Variants in LHFPL3 observed in about 807,000 individuals in gnomAD.
The protein encoded by LHFPL3 is LHFPL tetraspan subfamily member 3 protein.
Under a neutral mutation model 19.3 loss-of-function variants are expected in LHFPL3, and 5 were observed. The ratio of observed to expected loss-of-function variants is 0.26; its 90% CI spans 0.14 to 0.54. LHFPL3 has a LOEUF of 0.54. LHFPL3 is among the 20% of genes least tolerant of loss of function. The pLI is 0.94. For missense variants in LHFPL3, 249 were observed against 307.4 expected (o/e 0.81, Z 1.42); for synonymous variants, 133 against 126.2 (o/e 1.05, Z -0.36).
chr7:104,901,969 A>G lies in LHFPL3; in HGVS notation c.683-4218A>G, dbSNP rs182371232. ...ACACTCACTTGCCTCACCCTATTCC[A>G]GGCCTGGCTCACTGGCTTCACACTT... On this transcript the variant is annotated intron_variant, in intron 2 of 2. Coordinates refer to ENST00000424859, the MANE Select transcript of LHFPL3 (RefSeq NM_199000.3). Among the ~76,000 whole-genome samples, 191 of 152,232 alleles carry G rather than the reference A, an allele frequency of 1.3e-3. 1 individual carries two copies. Among genetic ancestry groups the G allele is most frequent in the African/African-American group, 4.4e-3 (183 of 41,556 alleles).
intron 1 of LHFPL3, among the ~76,000 whole-genome samples, chr7:104,614,608 CT>C (rs1175493846): frequency 7.8e-6 from 1 of 128,920 alleles, no homozygotes; most frequent in African/African-American, 3.0e-5. Flanking sequence ...CTTCTCTTCT[CT>C]TCTCTTCTCT....
intron 1 of LHFPL3, among the ~76,000 whole-genome samples, chr7:104,430,430 A>ACG (rs1791964794): frequency 1.9e-4 from 2 of 10,610 alleles, no homozygotes; most frequent in Non-Finnish European, 4.3e-4. Flanking sequence ...ATATATATAT[A>ACG]TATATATATA....
At chr7:104,633,369 A>G (rs1791677350) in intron 1 of LHFPL3, among the ~76,000 whole-genome samples, 2 of 152,210 alleles carry the variant, frequency 1.3e-5, no homozygotes, top group Admixed American at 1.3e-4. Flanking sequence ...TTGTCTGACT[A>G]TTTCTACTCA....
chr7:104,818,540 A>C (rs1459712936), intron 2 of LHFPL3, among the ~76,000 whole-genome samples: 1 of 152,200 alleles, frequency 6.6e-6, no homozygotes, highest in African/African-American at 2.4e-5. Flanking sequence ...CCATTATTAC[A>C]GTTTCAGTTT....
In LHFPL3 at chr7:104,499,029, C is replaced by T. The variant is rs149297312; in HGVS notation, c.445+169805C>T. Among the ~76,000 whole-genome samples the T allele has an allele frequency of 1.4e-4, 22 of 152,242 alleles. No homozygotes were observed. The South Asian group carries it at 3.7e-3, about 26-fold the overall frequency. On this transcript the variant is annotated intron_variant, in intron 1 of 2. Transcript: ENST00000424859. ...GCATGGGTATTTCCAGGTGCAATAA[C>T]TCATTTAAACTCATTCATAAAAATG...
chr7:104,684,779 C>A (rs1792774424), intron 1 of LHFPL3, among the ~76,000 whole-genome samples: 1 of 152,212 alleles, frequency 6.6e-6, no homozygotes, highest in Non-Finnish European at 1.5e-5. Context: ...CCTGCCAGGA[C>A]CAGCCCAGGG....
intron 1 of LHFPL3, among the ~76,000 whole-genome samples, chr7:104,526,503 A>G (rs553789784): frequency 2.0e-5 from 3 of 152,360 alleles, no homozygotes; most frequent in South Asian, 2.1e-4. Context: ...TGCCTTGTCT[A>G]TGTAAGTAAA....
chr7:104,453,309 G>A (rs1419076112), intron 1 of LHFPL3, among the ~76,000 whole-genome samples: 1 of 151,446 alleles, frequency 6.6e-6, no homozygotes, highest in African/African-American at 2.4e-5. Context: ...GAGATGGCGG[G>A]AAACTACTAG....
At chr7:104,596,401 T>A (rs1790859512) in intron 1 of LHFPL3, among the ~76,000 whole-genome samples, 1 of 152,228 alleles carries the variant, frequency 6.6e-6, no homozygotes, top group Non-Finnish European at 1.5e-5. Context: ...CTTGAAATAT[T>A]TTCTTCCATT....
At chr7:104,528,383 G>C (rs889962607) in intron 1 of LHFPL3, among the ~76,000 whole-genome samples, 1 of 152,130 alleles carries the variant, frequency 6.6e-6, no homozygotes, top group Non-Finnish European at 1.5e-5. Flanking sequence ...ATTTAAATTT[G>C]GTGAGAAGTA....
intron 1 of LHFPL3, among the ~76,000 whole-genome samples, chr7:104,547,796 C>G (rs12216698): frequency 0.96 from 145,857 of 151,846 alleles, 70,163 homozygotes; most frequent in East Asian, 1. Context: ...AGGGACCAGA[C>G]AAGCTTTCAG....
chr7:104,868,126 T>C (rs1413287639), intron 2 of LHFPL3, among the ~76,000 whole-genome samples: 2 of 152,188 alleles, frequency 1.3e-5, no homozygotes, highest in Admixed American at 6.5e-5. Context: ...AATATCATAC[T>C]GAATGGGCAA....
chr7:104,566,048 C>T (rs1028282823), intron 1 of LHFPL3, among the ~76,000 whole-genome samples: 3 of 151,942 alleles, frequency 2.0e-5, no homozygotes, highest in Admixed American at 1.3e-4. Flanking sequence ...TTTTGTGACT[C>T]GGAACTCACC....
rs1195232782 is a variant in LHFPL3 at position 104,576,316 on chromosome 7, G to A, written c.446-160359G>A. 2.0e-5 allele frequency among the ~76,000 whole-genome samples: 3 copies of A among 152,188 alleles called. 1 individual carries two copies. The South Asian group carries it at 6.2e-4, about 32-fold the overall frequency. Reference sequence around the variant, plus strand: ...CAACAGAGAGGTTAAAGACCAAAGGGTGTTCATTAGATTTTGTAAGCCAAA... The same window carrying A: ...CAACAGAGAGGTTAAAGACCAAAGGATGTTCATTAGATTTTGTAAGCCAAA... On this transcript the variant is annotated intron_variant, in intron 1 of 2. Transcript: ENST00000424859.
At position 104,468,694 on chromosome 7, in the gene LHFPL3, C is replaced by T. The variant is rs947189805; in HGVS notation, c.445+139470C>T. On this transcript the variant is annotated intron_variant, in intron 1 of 2. Coordinates refer to ENST00000424859, the MANE Select transcript of LHFPL3 (RefSeq NM_199000.3). ...TTTTTTCCGAGTTGGAGTCTTGCTC[C>T]GTCATCCAGGCTGGAGTGCAGTGGT... 4.7e-5 allele frequency among the ~76,000 whole-genome samples: 7 copies of T among 149,696 alleles called. No individual in the cohort carries two copies. The South Asian group carries it at 6.4e-4, about 14-fold the overall frequency.
chr7:104,899,845 C>A (rs1792448506), intron 2 of LHFPL3, among the ~76,000 whole-genome samples: 1 of 152,152 alleles, frequency 6.6e-6, no homozygotes, highest in South Asian at 2.1e-4. Flanking sequence ...GATTATCCTG[C>A]CTCAGCCTCC....
chr7:104,741,461 CAAAAA>C (rs5886331), intron 2 of LHFPL3, among the ~76,000 whole-genome samples: 1 of 92,900 alleles, frequency 1.1e-5, no homozygotes, highest in Non-Finnish European at 2.2e-5. Flanking sequence ...TTCTTTATGC[CAAAAA>C]AAAAAAAAAA....
At chr7:104,420,404 AAG>A (rs1791704121) in intron 1 of LHFPL3, among the ~76,000 whole-genome samples, 1 of 152,212 alleles carries the variant, frequency 6.6e-6, no homozygotes, top group African/African-American at 2.4e-5. Context: ...GGTGGTAACA[AAG>A]AGGATTTTTA....
intron 2 of LHFPL3, chr7:104,896,165 TG>T (rs1792354504): frequency 6.6e-6 from 1 of 152,356 alleles, no homozygotes; most frequent in South Asian, 2.1e-4. Flanking sequence ...ACAGTCGTAT[TG>T]GGGGTTAGGG....
Sources: gnomAD v4.1 joint callset for allele counts (sites outside exome capture counted in the v4.1 genomes callset) on GRCh38, gnomAD v4.1.1 for gene constraint, MANE v1.5 for transcripts, NCBI Gene and HGNC (gene_info 2026-07-23, HGNC 2026-07-21) for gene names.